The following QRICH1 variants were observed in gnomAD, a reference collection of about 807,000 sequenced individuals.
QRICH1 encodes glutamine rich 1.
A neutral mutation model predicts 87.1 loss-of-function variants in QRICH1; 16 were observed. That is an observed-to-expected ratio of 0.18 (90% confidence interval 0.12 to 0.28). The LOEUF (loss-of-function observed/expected upper bound fraction) is 0.28, where lower values mean the gene tolerates loss of function less well. Ranked by LOEUF, QRICH1 falls within the 10% of genes least tolerant of loss-of-function variation. QRICH1 has a pLI of 1.00. For synonymous variants in QRICH1, 367 were observed against 368.4 expected (o/e 1.00, Z 0.05); for missense variants, 647 against 951.7 (o/e 0.68, Z 4.21).
At chr3:49,056,779 G>A (rs551884009) in intron 3 of QRICH1, 83 bp downstream of exon 3, 1 of 1,592,048 alleles carries the variant, frequency 6.3e-7, no homozygotes, top group South Asian at 1.1e-5. Context: ...CAGTAAATAA[G>A]CCAGAGGTTG....
chr3:49,058,526 A>G (rs568520796), intron 2 of QRICH1, among the ~76,000 whole-genome samples: 80 of 152,240 alleles, frequency 5.3e-4, no homozygotes, highest in Non-Finnish European at 1.1e-3. Context: ...AGGTTTCACC[A>G]TGTTGGCCAA....
At chr3:49,039,321 C>T (rs1315584317) in intron 6 of QRICH1, among the ~76,000 whole-genome samples, 3 of 151,986 alleles carry the variant, frequency 2.0e-5, no homozygotes, top group Non-Finnish European at 4.4e-5. Flanking sequence ...CGTGTCATTG[C>T]GCTCCAGCCT....
intron 1 of QRICH1, among the ~76,000 whole-genome samples, chr3:49,085,876 AAGAG>A (rs1277670607): frequency 6.6e-6 from 1 of 152,154 alleles, no homozygotes; most frequent in East Asian, 1.9e-4. Flanking sequence ...CTTCGTAATA[AAGAG>A]AAATGGAGAA....
chr3:49,050,422 CAAAAAAAAAAAAA>C (rs552220438), intron 3 of QRICH1, among the ~76,000 whole-genome samples: 4,304 of 59,102 alleles, frequency 0.073, 147 homozygotes, highest in Admixed American at 0.1. Context: ...GACTCTGTCT[CAAAAAAAAAAAAA>C]AAAAAAAAAA....
At chr3:49,046,986 C>A (rs1472454239) in intron 4 of QRICH1, 83 bp downstream of exon 4, 20 of 1,479,564 alleles carry the variant, frequency 1.4e-5, no homozygotes, top group Middle Eastern at 2.4e-4. Context: ...ACAGGAGACA[C>A]CACTTTTCTG....
chr3:49,034,079 T>TTTATTATTATTATTATTATTA (rs10691654), intron 6 of QRICH1, among the ~76,000 whole-genome samples: 46 of 147,208 alleles, frequency 3.1e-4, no homozygotes, highest in African/African-American at 9.4e-4. Context: ...TTTGGGGGAT[T>TTTATTATTATTATTATTATTA]TTATTATTAT....
rs778938477 is a variant in QRICH1 at position 49,056,934 on chromosome 3, C to A, written c.1266G>T (p.Pro422=). Reference sequence around the variant, plus strand: ...TCTGTTCCTGGGGAGTTTGCTGCTGCGGCTGCTGTTGGGGGTCCCATATAT... The same window carrying A: ...TCTGTTCCTGGGGAGTTTGCTGCTGAGGCTGCTGTTGGGGGTCCCATATAT... ...TVHIWDPQQQ[P]QQQTPQEQTP... The change falls in exon 3 of 10, where the codon CCG becomes CCT. Residue 422 remains proline, a synonymous_variant. Transcript: ENST00000395443. The A allele has an allele frequency of 3.1e-6, 5 of 1,614,074 alleles. No individual in the cohort carries two copies. The highest frequency in any genetic ancestry group is 1.7e-4 in the Middle Eastern group (1 of 6,058).
At chr3:49,037,605 G>A (rs1010087251) in intron 6 of QRICH1, among the ~76,000 whole-genome samples, 16 of 152,084 alleles carry the variant, frequency 1.1e-4, no homozygotes, top group African/African-American at 2.7e-4. Flanking sequence ...GGTGGCAGGC[G>A]CCTGTAGTCC....
chr3:49,089,557 G>C (rs2042233433), intron 1 of QRICH1, among the ~76,000 whole-genome samples: 1 of 152,048 alleles, frequency 6.6e-6, no homozygotes, highest in African/African-American at 2.4e-5. Flanking sequence ...GTTCACAGCA[G>C]CATTGTTAAG....
At chr3:49,058,156 A>AT in intron 2 of QRICH1, 33 of 521,700 alleles carry the variant, frequency 6.3e-5, no homozygotes, top group East Asian at 8.3e-5. Flanking sequence ...CAAAAAAAAA[A>AT]ATTTTTTTTT....
intron 1 of QRICH1, among the ~76,000 whole-genome samples, chr3:49,089,068 T>C (rs2042224365): frequency 6.8e-6 from 1 of 146,072 alleles, no homozygotes; most frequent in Non-Finnish European, 1.5e-5. Flanking sequence ...TTTCTTTTCT[T>C]TTTTTTTTTT....
At chr3:49,080,389 G>T (rs2042034896) in intron 1 of QRICH1, among the ~76,000 whole-genome samples, 1 of 151,680 alleles carries the variant, frequency 6.6e-6, no homozygotes, top group Non-Finnish European at 1.5e-5. Flanking sequence ...AACCTGTTTT[G>T]TCTGAAGTCT....
chr3:49,047,043 G>A (rs757465534), intron 4 of QRICH1, 26 bp downstream of exon 4: 36 of 1,597,212 alleles, frequency 2.3e-5, no homozygotes, highest in Non-Finnish European at 1.6e-5. Context: ...TTTAGACACA[G>A]CCCACTCTTC....
At chr3:49,044,956 C>T (rs1037329684) in intron 5 of QRICH1, among the ~76,000 whole-genome samples, 2 of 152,174 alleles carry the variant, frequency 1.3e-5, no homozygotes, top group Admixed American at 1.3e-4. Context: ...TAGGTTAGGA[C>T]CACCAAGAGA....
intron 2 of QRICH1, among the ~76,000 whole-genome samples, chr3:49,066,505 C>T (rs560210750): frequency 1.2e-4 from 18 of 151,006 alleles, no homozygotes; most frequent in Non-Finnish European, 2.5e-4. Flanking sequence ...CACTCTGTCG[C>T]CTAGGCTGGA....
chr3:49,091,510 G>A (rs888229447), intron 1 of QRICH1, among the ~76,000 whole-genome samples: 1 of 152,086 alleles, frequency 6.6e-6, no homozygotes, highest in African/African-American at 2.4e-5. Flanking sequence ...CTTTCCTAGA[G>A]CAATTCAAAT....
chr3:49,090,374 G>C (rs1430453276), intron 1 of QRICH1, among the ~76,000 whole-genome samples: 1 of 151,908 alleles, frequency 6.6e-6, no homozygotes, highest in East Asian at 1.9e-4. Context: ...CAGGAGAATG[G>C]CGTGAACCCA....
At chr3:49,061,134 TAAAAAAAAA>T (rs57557768) in intron 2 of QRICH1, among the ~76,000 whole-genome samples, 1 of 39,742 alleles carries the variant, frequency 2.5e-5, no homozygotes, top group Non-Finnish European at 4.0e-5. Context: ...GCCTCCATCT[TAAAAAAAAA>T]AAAAAAAAAA....
chr3:49,055,029 T>C (rs2093392772), intron 3 of QRICH1, among the ~76,000 whole-genome samples: 1 of 152,198 alleles, frequency 6.6e-6, no homozygotes, highest in South Asian at 2.1e-4. Flanking sequence ...TTATAAATAA[T>C]TCGAAGGAAA....
Sources: gnomAD v4.1 joint callset for allele counts (sites outside exome capture counted in the v4.1 genomes callset) on GRCh38, gnomAD v4.1.1 for gene constraint, MANE v1.5 for transcripts, NCBI Gene and HGNC (gene_info 2026-07-23, HGNC 2026-07-21) for gene names.